The following PRKN variants were observed in gnomAD, a reference collection of about 807,000 sequenced individuals.
PRKN encodes the protein E3 ubiquitin-protein ligase parkin.
In PRKN, 56 loss-of-function variants were observed where a neutral mutation model predicts 59.5. The ratio of observed to expected loss-of-function variants is 0.94; its 90% CI spans 0.76 to 1.18. PRKN has a LOEUF of 1.18. Among genes scored for constraint, PRKN ranks in the 50% most tolerant of loss-of-function variants. The pLI, the probability that PRKN is intolerant of heterozygous loss-of-function variation, is 0.00. For synonymous variants in PRKN, 250 were observed against 222.1 expected (o/e 1.13, Z -1.12); for missense variants, 657 against 596.4 (o/e 1.10, Z -1.06).
intron 1 of PRKN, among the ~76,000 whole-genome samples, chr6:162,521,501 T>C (rs1583717133): frequency 6.6e-6 from 1 of 152,338 alleles, no homozygotes; most frequent in African/African-American, 2.4e-5. Context: ...ACATCCATTT[T>C]GGTCTTTAGA....
intron 6 of PRKN, among the ~76,000 whole-genome samples, chr6:161,949,139 G>A (rs1323523578): frequency 2.0e-5 from 3 of 152,162 alleles, no homozygotes; most frequent in Admixed American, 1.3e-4. Flanking sequence ...TCCACACAAC[G>A]CTATGAAGTC....
At chr6:162,573,683 A>C (rs571969972) in intron 1 of PRKN, among the ~76,000 whole-genome samples, 1 of 152,156 alleles carries the variant, frequency 6.6e-6, no homozygotes, top group South Asian at 2.1e-4. Context: ...TCCATCACCC[A>C]CCCCTTCCTA....
intron 1 of PRKN, among the ~76,000 whole-genome samples, chr6:162,577,336 G>A (rs1250862477): frequency 2.8e-5 from 4 of 142,362 alleles, no homozygotes; most frequent in Middle Eastern, 5.0e-3. Context: ...ACGGTGGCTC[G>A]TGCCTGTAAT....
intron 1 of PRKN, among the ~76,000 whole-genome samples, chr6:162,721,589 C>A (rs1056469748): frequency 2.0e-5 from 3 of 152,174 alleles, no homozygotes; most frequent in Non-Finnish European, 2.9e-5. Context: ...TGCAGGAAAA[C>A]TGGAATGGCT....
At chr6:161,663,341 T>G (rs1784615351) in intron 7 of PRKN, among the ~76,000 whole-genome samples, 1 of 152,202 alleles carries the variant, frequency 6.6e-6, no homozygotes, top group Admixed American at 6.5e-5. Flanking sequence ...GACCACTCTG[T>G]GTCTTTGTTT....
intron 7 of PRKN, among the ~76,000 whole-genome samples, chr6:161,572,096 A>G: frequency 6.6e-6 from 1 of 152,158 alleles, no homozygotes; most frequent in East Asian, 1.9e-4. Flanking sequence ...CCCTTCCCCC[A>G]GTAAACGTCC....
intron 2 of PRKN, among the ~76,000 whole-genome samples, chr6:162,415,060 C>CAA (rs1317681245): frequency 6.6e-6 from 1 of 152,106 alleles, no homozygotes; most frequent in Non-Finnish European, 1.5e-5. Flanking sequence ...AACACCTCTT[C>CAA]AAAAACAATA....
At chr6:162,591,519 T>C (rs1336776047) in intron 1 of PRKN, among the ~76,000 whole-genome samples, 1 of 152,138 alleles carries the variant, frequency 6.6e-6, no homozygotes, top group African/African-American at 2.4e-5. Context: ...AAGATTATTC[T>C]TGTGAAGAAA....
At chr6:162,600,516 C>T (rs1422474239) in intron 1 of PRKN, among the ~76,000 whole-genome samples, 1 of 152,054 alleles carries the variant, frequency 6.6e-6, no homozygotes, top group African/African-American at 2.4e-5. Flanking sequence ...GATCCCATAC[C>T]CCAAAACGCT....
intron 4 of PRKN, among the ~76,000 whole-genome samples, chr6:162,092,118 GCAGAGGCGGGCAGATCA>G (rs1779521550): frequency 6.6e-6 from 1 of 152,184 alleles, no homozygotes; most frequent in Non-Finnish European, 1.5e-5. Flanking sequence ...ACTTTGGGAG[GCAGAGGCGGGCAGATCA>G]CCTGAGGTCA....
At chr6:162,483,729 T>G (rs2128182963) in intron 1 of PRKN, among the ~76,000 whole-genome samples, 1 of 152,322 alleles carries the variant, frequency 6.6e-6, no homozygotes, top group African/African-American at 2.4e-5. Context: ...TCTATCAAAA[T>G]TAGAAAGGCA....
chr6:162,703,105 AT>A (rs1778216542), intron 1 of PRKN, among the ~76,000 whole-genome samples: 2 of 152,214 alleles, frequency 1.3e-5, no homozygotes, highest in African/African-American at 4.8e-5. Context: ...ACTAAGGAAC[AT>A]TTAACCTTTT....
rs116476611 is a variant in PRKN, at chr6:161,734,789, C to G, written c.871+50983G>C. ...CCTGAGTGAATAAGGTATGTACACT[C>G]TGTACTGAACTGAATATTTTTCATA... On this transcript the variant is annotated intron_variant, in intron 7 of 11. Coordinates refer to ENST00000366898, the MANE Select transcript of PRKN (RefSeq NM_004562.3). Among the ~76,000 whole-genome samples, 1,242 of 152,216 alleles carry G rather than the reference C, an allele frequency of 8.2e-3. 20 individuals are homozygous for G. The highest frequency in any genetic ancestry group is 0.029 in the African/African-American group (1,191 of 41,526).
At chr6:162,148,242 T>A (rs1782112524) in intron 4 of PRKN, among the ~76,000 whole-genome samples, 1 of 152,208 alleles carries the variant, frequency 6.6e-6, no homozygotes, top group Admixed American at 6.5e-5. Flanking sequence ...TAGTTTTGGT[T>A]CTTATTCTAC....
At position 161,897,966 on chromosome 6, in the gene PRKN, C is replaced by CAAAAAAAAAAAAAAAA. The variant is rs55714271; in HGVS notation, c.734+75320_734+75335dup. On this transcript the variant is annotated intron_variant, in intron 6 of 11. Transcript: ENST00000366898. Reference sequence around the variant, plus strand: ...TGGGTGACAGAGCGAGACTCCGTCTCAAAAAAAAAAAAAAAAAAGTCTCCC... The same window carrying CAAAAAAAAAAAAAAAA: ...TGGGTGACAGAGCGAGACTCCGTCTCAAAAAAAAAAAAAAAAAAAAAAAAAAAAAAAAAAGTCTCCC... Among the ~76,000 whole-genome samples the CAAAAAAAAAAAAAAAA allele has an allele frequency of 9.7e-4, 37 of 38,296 alleles. 4 individuals carry two copies. Among genetic ancestry groups the CAAAAAAAAAAAAAAAA allele is most frequent in the South Asian group, 4.4e-3 (4 of 902 alleles). 25.1% of individuals were successfully genotyped at this position (38,296 alleles called of 152,430 possible). A position where few individuals can be genotyped will look rare whatever the true frequency, so the allele number is the denominator to read the frequency against.
intron 2 of PRKN, among the ~76,000 whole-genome samples, chr6:162,284,696 G>C (rs1781101952): frequency 6.6e-6 from 1 of 152,114 alleles, no homozygotes; most frequent in Non-Finnish European, 1.5e-5. Flanking sequence ...CAGGTCCTCC[G>C]TTTGAAGACA....
Position 161,654,105 on chromosome 6 carries a change from C to T in PRKN, c.872-84689G>A, listed in dbSNP as rs115001242. Among the ~76,000 whole-genome samples the T allele has an allele frequency of 7.0e-3, 1,059 of 151,826 alleles. 13 individuals carry two copies. Among genetic ancestry groups the T allele is most frequent in the African/African-American group, 0.024 (1,012 of 41,376 alleles). On this transcript the variant is annotated intron_variant, in intron 7 of 11. Transcript: ENST00000366898. ...CCTCAGCCTCCTGAGTAGCTAGGAG[C>T]GCAGGTGTGAGCCACCGCACTTGGC...
At chr6:162,490,786 G>A (rs536370808) in intron 1 of PRKN, among the ~76,000 whole-genome samples, 10 of 152,316 alleles carry the variant, frequency 6.6e-5, no homozygotes, top group Non-Finnish European at 1.3e-4. Context: ...CAGGAAAAGC[G>A]TTGAGAGCAG....
intron 6 of PRKN, among the ~76,000 whole-genome samples, chr6:161,875,984 C>T (rs1417631468): frequency 2.6e-5 from 4 of 152,106 alleles, no homozygotes; most frequent in Admixed American, 1.3e-4. Context: ...TAGTGAAAGA[C>T]TCTCAGAAGG....
Sources: allele counts gnomAD v4.1 joint callset (sites outside exome capture counted in the v4.1 genomes callset), GRCh38; gene constraint gnomAD v4.1.1; transcripts MANE v1.5; gene names NCBI Gene and HGNC (gene_info 2026-07-23, HGNC 2026-07-21).